NRDE2: variants seen among roughly 807,000 people sequenced by gnomAD.
NRDE2 encodes NRDE-2, necessary for RNA interference, domain containing, also known as nuclear exosome regulator NRDE2.
Under a neutral mutation model 124.2 loss-of-function variants are expected in NRDE2, and 76 were observed. That is an observed-to-expected ratio of 0.61 (90% CI 0.51 to 0.74). NRDE2 has a LOEUF of 0.74. Ranked by LOEUF, NRDE2 falls within the 30% of genes least tolerant of loss-of-function variation. The pLI, the probability that NRDE2 is intolerant of heterozygous loss-of-function variation, is 0.00. For synonymous variants in NRDE2, 489 were observed against 528.1 expected (o/e 0.93, Z 1.01); for missense variants, 1,314 against 1,417.3 (o/e 0.93, Z 1.17).
rs1595081528 is a variant in NRDE2 at position 90,328,546 on chromosome 14, G to C, written c.64+3295C>G. ...GTTCATGGGCTGCTTCATATGGGAT[G>C]AAACAGGTTGCAAACACATGAATCC... On this transcript the variant is annotated intron_variant, in intron 1 of 13. Transcript: ENST00000354366. Among the ~76,000 whole-genome samples the C allele has an allele frequency of 2.0e-5, 3 of 152,158 alleles. No individual in the cohort carries two copies. In the East Asian group the frequency reaches 5.8e-4, roughly 29 times the overall value.
Position 90,272,239 on chromosome 14 carries a change from T to C in NRDE2, c.*6097A>G, listed in dbSNP as rs1171186728. ...TTCCTTGTTAGAATAAAAATGAGTA[T>C]GTCACTTTCTGAACACACTCTTCTT... is the stretch of plus-strand genomic sequence containing the variant. On this transcript the variant is annotated 3_prime_UTR_variant, in exon 14 of 14. Coordinates refer to ENST00000354366, the MANE Select transcript of NRDE2 (RefSeq NM_017970.4). The surrounding 1 kb of genome is among the most constrained non-coding windows in gnomAD (Gnocchi z 4.5). 4 of 1,597,606 alleles carry C rather than the reference T, an allele frequency of 2.5e-6. No individual in the cohort carries two copies. Among genetic ancestry groups the C allele is most frequent in the African/African-American group, 1.4e-5 (1 of 73,730 alleles).
rs745327690 is a variant in NRDE2 at position 90,288,406 on chromosome 14, G to A, written c.2969C>T (p.Ala990Val). The A allele has an allele frequency of 6.2e-7, 1 of 1,614,176 alleles. No individual in the cohort carries two copies. Among genetic ancestry groups the A allele is most frequent in the Admixed American group, 1.7e-5 (1 of 60,020 alleles). ...CTGGTTGCCTGGATACAACTTTAAA[G>A]CCTGTGAGAGTGCCTCTCGCAGAGG... ...LAPLREALSQALKLYPGNQVL... is the reference protein window; with the variant it reads ...LAPLREALSQVLKLYPGNQVL... Residue 990 changes from alanine (A) to valine (V), a missense_variant, in exon 11 of 14, where the codon GCT becomes GTT. Ala to Val is a moderately conservative substitution (Grantham distance 64). Transcript: ENST00000354366.
At chr14:90,328,753 T>C (rs1295786395) in intron 1 of NRDE2, among the ~76,000 whole-genome samples, 1 of 152,244 alleles carries the variant, frequency 6.6e-6, no homozygotes, top group Non-Finnish European at 1.5e-5. Flanking sequence ...TACAGAAGCA[T>C]GTTAAGTGAC....
At chr14:90,320,295 G>A (rs910593420) in intron 1 of NRDE2, among the ~76,000 whole-genome samples, 5 of 152,188 alleles carry the variant, frequency 3.3e-5, no homozygotes, top group African/African-American at 9.6e-5. Context: ...GGTGGAAGGT[G>A]AAGAGGAAGC....
rs770839282 is a variant in NRDE2 at position 90,331,919 on chromosome 14, C to T, written c.-15G>A. 1.9e-6 allele frequency: 3 copies of T among 1,614,088 alleles called. No homozygotes were observed. The highest frequency in any genetic ancestry group is 2.5e-6 in the Non-Finnish European group (3 of 1,180,030). On this transcript the variant is annotated 5_prime_UTR_variant, in exon 1 of 14. Coordinates refer to ENST00000354366, the MANE Select transcript of NRDE2 (RefSeq NM_017970.4). ...AACAGCGCCATGACCACAGGCCGTACCTCCGTTCTTCTCTATAGGGATGGC... is the reference window on the plus strand; with the variant it reads ...AACAGCGCCATGACCACAGGCCGTATCTCCGTTCTTCTCTATAGGGATGGC...
At chr14:90,299,339 C>T (rs542217071) in intron 7 of NRDE2, among the ~76,000 whole-genome samples, 3 of 152,138 alleles carry the variant, frequency 2.0e-5, no homozygotes, top group Non-Finnish European at 4.4e-5. Context: ...TAAACCACCG[C>T]GCCCAGCCTA....
At chr14:90,309,472 C>CAA (rs746289824) in intron 4 of NRDE2, among the ~76,000 whole-genome samples, 13,307 of 110,326 alleles carry the variant, frequency 0.12, 1,161 homozygotes, top group East Asian at 0.21. Context: ...GACTCTGTCT[C>CAA]AAAAAAAAAA....
At chr14:90,286,627 C>A (rs762446991) in intron 11 of NRDE2, 135 bp from the exon 12 acceptor site, 2 of 1,136,428 alleles carry the variant, frequency 1.8e-6, no homozygotes, top group East Asian at 2.6e-5. Flanking sequence ...GTCCCTCAGG[C>A]GTAGAGCGCT....
chr14:90,282,890 C>T (rs1288032007), intron 12 of NRDE2, among the ~76,000 whole-genome samples: 7 of 152,184 alleles, frequency 4.6e-5, no homozygotes, highest in Admixed American at 4.6e-4. Flanking sequence ...CGGTCTCGAA[C>T]TCCCGAACTC....
In NRDE2 at chr14:90,288,960, T is replaced by C. The variant is rs752787924; in HGVS notation, c.2415A>G (p.Thr805=). The change falls in exon 11 of 14, where the codon ACA becomes ACG. Residue 805 remains threonine, a synonymous_variant. Coordinates refer to ENST00000354366, the MANE Select transcript of NRDE2 (RefSeq NM_017970.4). ...CTCTGCTTCCTGCCATGCCAAGTGCTGTGTCAAAAACTTTTCTGGCATCCT... is the reference window on the plus strand; with the variant it reads ...CTCTGCTTCCTGCCATGCCAAGTGCCGTGTCAAAAACTTTTCTGGCATCCT... ...NTEDARKVFD[T]ALGMAGSREL... is the part of the protein sequence containing the mutation. 77 of 1,612,146 alleles carry C rather than the reference T, an allele frequency of 4.8e-5. No homozygotes were observed. Among genetic ancestry groups the C allele is most frequent in the Non-Finnish European group, 6.0e-5 (71 of 1,178,404 alleles).
intron 1 of NRDE2, among the ~76,000 whole-genome samples, chr14:90,327,691 T>C (rs148193018): frequency 7.2e-5 from 11 of 152,358 alleles, no homozygotes; most frequent in African/African-American, 2.6e-4. Flanking sequence ...CTCATTATTC[T>C]GAAACTAACG....
At chr14:90,329,043 C>T (rs1165853288) in intron 1 of NRDE2, among the ~76,000 whole-genome samples, 1 of 152,146 alleles carries the variant, frequency 6.6e-6, no homozygotes, top group Non-Finnish European at 1.5e-5. Context: ...AGAGATGATG[C>T]TGTGTTTATA....
rs756253480 is a variant in NRDE2, at chr14:90,303,067, C to T, written c.1064G>A (p.Arg355Gln). 16 of 1,613,870 alleles carry T rather than the reference C, an allele frequency of 9.9e-6. No individual in the cohort carries two copies. Among genetic ancestry groups the T allele is most frequent in the African/African-American group, 5.3e-5 (4 of 74,908 alleles). Residue 355 changes from arginine (R) to glutamine (Q), a missense_variant, in exon 6 of 14, where the codon CGA becomes CAA. Coordinates refer to ENST00000354366, the MANE Select transcript of NRDE2 (RefSeq NM_017970.4). ...CAGAATGAGCTTCAGGGACCTCTTT[C>T]GCTTTTCCTGCTCTCCTTCCTCGAT... is the stretch of plus-strand genomic sequence containing the variant. ...YAIEEGEQEK[R>Q]KRSLKLILEK... is the part of the protein sequence containing the mutation.
At chr14:90,289,596 ATTTATT>A (rs1892213210) in intron 10 of NRDE2, among the ~76,000 whole-genome samples, 1 of 152,082 alleles carries the variant, frequency 6.6e-6, no homozygotes, top group African/African-American at 2.4e-5. Flanking sequence ...CTTATCTATT[ATTTATT>A]TTTGAGATGG....
At chr14:90,302,696 A>G (rs746213064) in intron 6 of NRDE2, 24 bp downstream of exon 6, 4 of 1,548,268 alleles carry the variant, frequency 2.6e-6, no homozygotes, top group Non-Finnish European at 3.5e-6. Context: ...CCTCCCACGT[A>G]ACTGGATCTG....
intron 3 of NRDE2, 55 bp downstream of exon 3, chr14:90,316,523 A>G: frequency 7.9e-7 from 1 of 1,263,172 alleles, no homozygotes; most frequent in Non-Finnish European, 1.1e-6. Flanking sequence ...GCAACAATTA[A>G]GGGAGAAAAA....
intron 12 of NRDE2, among the ~76,000 whole-genome samples, 157 bp downstream of exon 12, chr14:90,286,197 T>C (rs183155052): frequency 1.3e-5 from 2 of 152,324 alleles, no homozygotes; most frequent in East Asian, 1.9e-4. Context: ...TCCATCAGGA[T>C]TTCTTAGAGA....
chr14:90,292,661 CT>C lies in NRDE2; in HGVS notation c.1842+35del, dbSNP rs773255419. The C allele has an allele frequency of 5.0e-6, 8 of 1,597,868 alleles. No individual in the cohort carries two copies. In the South Asian group the frequency reaches 7.7e-5, roughly 15 times the overall value. On this transcript the variant is annotated intron_variant, in intron 9 of 13. Transcript: ENST00000354366. ...GGAATGGAAAGCAGGCAGGGACCCC[CT>C]GGACAGCTTCCTGCCTGGGGCGGAG...
chr14:90,294,560 G>A (rs193078774), intron 8 of NRDE2, among the ~76,000 whole-genome samples: 6 of 152,250 alleles, frequency 3.9e-5, no homozygotes, highest in Admixed American at 2.0e-4. Flanking sequence ...ACGACACTAC[G>A]CTAAGCGGAA....
Sources: gnomAD v4.1 joint callset for allele counts (sites outside exome capture counted in the v4.1 genomes callset) on GRCh38, gnomAD v4.1.1 for gene constraint, Gnocchi (gnomAD v3.1) non-coding constraint, MANE v1.5 for transcripts, NCBI Gene and HGNC (gene_info 2026-07-23, HGNC 2026-07-21) for gene names.